The following SMURF1 variants were observed in gnomAD, a reference collection of about 807,000 sequenced individuals.
SMURF1 encodes the protein E3 ubiquitin-protein ligase SMURF1.
SMURF1 carries 44 observed loss-of-function variants against 98.0 expected under a neutral mutation model. The observed-to-expected ratio is 0.45, with a 90% CI of 0.35 to 0.58. The LOEUF is 0.58. SMURF1 is among the 20% of genes least tolerant of loss of function. The probability of loss-of-function intolerance (pLI) is 0.00; values close to 1 mark genes in which losing one functional copy is unlikely to be tolerated. For synonymous variants in SMURF1, 396 were observed against 374.9 expected (o/e 1.06, Z -0.65); for missense variants, 687 against 938.4 (o/e 0.73, Z 3.50).
intron 1 of SMURF1, among the ~76,000 whole-genome samples, chr7:99,124,481 G>A (rs1162492144): frequency 6.6e-6 from 1 of 152,210 alleles, no homozygotes; most frequent in African/African-American, 2.4e-5. Flanking sequence ...CACAGCTCTA[G>A]CAAAAGTGAT....
In SMURF1 at chr7:99,040,526, G is replaced by T. The variant is rs763433233; in HGVS notation, c.1402C>A (p.Arg468=). 2 of 1,508,964 alleles carry T rather than the reference G, an allele frequency of 1.3e-6. No homozygotes were observed. The highest frequency in any genetic ancestry group is 1.8e-6 in the Non-Finnish European group (2 of 1,128,392). The allele number at this position is 1,508,964 out of a possible 1,614,324, so 93.5% of individuals were successfully genotyped here. A position where few individuals can be genotyped will look rare whatever the true frequency, so the allele number is the denominator to read the frequency against. Residue 468 remains arginine, a synonymous_variant, in exon 13 of 18, where the codon CGG becomes AGG. Transcript: ENST00000361368. The part of the protein sequence containing the change: ...DHLSYFHFVG[R]IMGLAVFHGH... ...TGGAACACAGCCAGCCCCATGATCC[G>T]CCCCACAAAGTGGAAATAAGACAAG... is the stretch of plus-strand genomic sequence containing the variant.
intron 1 of SMURF1, among the ~76,000 whole-genome samples, chr7:99,136,101 A>G (rs1468490273): frequency 6.6e-6 from 1 of 152,214 alleles, no homozygotes; most frequent in African/African-American, 2.4e-5. Context: ...GAAGCTGATG[A>G]TCGCTTGAGC....
chr7:99,052,750 A>C (rs983478015), intron 6 of SMURF1, among the ~76,000 whole-genome samples: 15 of 152,228 alleles, frequency 9.9e-5, no homozygotes, highest in African/African-American at 3.1e-4. Context: ...TTGTGAAATG[A>C]GATCTCATTT....
chr7:99,087,158 T>G (rs1254239999), intron 1 of SMURF1, among the ~76,000 whole-genome samples: 1 of 152,002 alleles, frequency 6.6e-6, no homozygotes, highest in East Asian at 1.9e-4. Context: ...TCACTTGAGC[T>G]CAGGAGTTTG....
chr7:99,086,707 C>T (rs1191260467), intron 1 of SMURF1, among the ~76,000 whole-genome samples: 2 of 152,130 alleles, frequency 1.3e-5, no homozygotes, highest in African/African-American at 2.4e-5. Flanking sequence ...GCAGCAAATC[C>T]ACACAATGGA....
At chr7:99,059,481 G>A (rs1299273824) in intron 3 of SMURF1, among the ~76,000 whole-genome samples, 2 of 150,706 alleles carry the variant, frequency 1.3e-5, no homozygotes, top group East Asian at 1.9e-4. Flanking sequence ...GGTCTTCAAA[G>A]TACAATCCAG....
Position 99,047,867 on chromosome 7 carries a change from G to C in SMURF1, c.969C>G (p.Leu323=), listed in dbSNP as rs768586750. ...GTGGCAGCGGCTGGCTGGGCTCCTT[G>C]AGTTGGCACTGGTGACTTGAGAAGA... ...LHHIMNHQCQ[L]KEPSQPLPLP... Residue 323 remains leucine (L), a synonymous_variant, in exon 10 of 18, where the codon CTC becomes CTG. Coordinates refer to ENST00000361368, the MANE Select transcript of SMURF1 (RefSeq NM_181349.3). 19 of 1,613,790 alleles carry C rather than the reference G, an allele frequency of 1.2e-5. No individual in the cohort carries two copies. Among genetic ancestry groups the C allele is most frequent in the Admixed American group, 1.2e-4 (7 of 60,012 alleles).
intron 1 of SMURF1, among the ~76,000 whole-genome samples, chr7:99,121,442 A>G (rs1302632022): frequency 6.6e-6 from 1 of 152,142 alleles, no homozygotes; most frequent in Non-Finnish European, 1.5e-5. Context: ...CTCCTCCAAA[A>G]CAACACCTAG....
chr7:99,042,801 A>G (rs1795438628), intron 11 of SMURF1, among the ~76,000 whole-genome samples: 1 of 152,238 alleles, frequency 6.6e-6, no homozygotes, highest in Admixed American at 6.5e-5. Flanking sequence ...AACGGATCGC[A>G]TTAAGATAGC....
intron 12 of SMURF1, among the ~76,000 whole-genome samples, chr7:99,041,283 T>C (rs1342696243): frequency 1.3e-5 from 2 of 152,078 alleles, no homozygotes; most frequent in African/African-American, 4.8e-5. Context: ...GGGTCTGTGA[T>C]CCCAGCTACT....
rs1794828064 is a variant in SMURF1, at chr7:99,030,257, G to A, written c.*327C>T. ...CTGTGAGTTGATGCTCCCGTAAAGAGCTCAGGGCTGTGAGCCTTATCACCA... is the reference window on the plus strand; with the variant it reads ...CTGTGAGTTGATGCTCCCGTAAAGAACTCAGGGCTGTGAGCCTTATCACCA... On this transcript the variant is annotated 3_prime_UTR_variant, in exon 18 of 18. Transcript: ENST00000361368. 3.4e-6 allele frequency: 1 copy of A among 294,266 alleles called. No homozygotes were observed. The highest frequency in any genetic ancestry group is 6.5e-6 in the Non-Finnish European group (1 of 153,204). 18.2% of individuals were successfully genotyped at this position (294,266 alleles called of 1,614,324 possible).
At chr7:99,133,196 C>T (rs13230554) in intron 1 of SMURF1, among the ~76,000 whole-genome samples, 2,131 of 152,162 alleles carry the variant, frequency 0.014, 31 homozygotes, top group Non-Finnish European at 0.019. Flanking sequence ...GTTAGTTTCC[C>T]GGGTCTTTTT....
chr7:99,092,981 C>T (rs1317263858), intron 1 of SMURF1, among the ~76,000 whole-genome samples: 5 of 152,150 alleles, frequency 3.3e-5, no homozygotes, highest in African/African-American at 9.7e-5. Flanking sequence ...GTATAGTTCT[C>T]TTCCGCTGTC....
intron 1 of SMURF1, among the ~76,000 whole-genome samples, chr7:99,072,346 A>G (rs1302048968): frequency 6.6e-6 from 1 of 152,168 alleles, no homozygotes; most frequent in Non-Finnish European, 1.5e-5. Flanking sequence ...TTTGACACAT[A>G]GAAAGATCAA....
intron 5 of SMURF1, among the ~76,000 whole-genome samples, chr7:99,055,562 C>T (rs915778665): frequency 3.3e-5 from 5 of 152,038 alleles, no homozygotes; most frequent in Admixed American, 6.5e-5. Flanking sequence ...GCCTCAAACT[C>T]CTGGGCTTGA....
chr7:99,067,030 C>A (rs1299320419), intron 1 of SMURF1, among the ~76,000 whole-genome samples: 2 of 143,944 alleles, frequency 1.4e-5, no homozygotes, highest in Non-Finnish European at 3.0e-5. Flanking sequence ...GAGTCTCGCT[C>A]TGTCACCCAG....
intron 1 of SMURF1, among the ~76,000 whole-genome samples, chr7:99,116,958 T>C (rs182484863): frequency 1.3e-5 from 2 of 152,114 alleles, no homozygotes; most frequent in South Asian, 2.1e-4. Flanking sequence ...TACAAAGCAA[T>C]AGTAATCAAA....
In SMURF1 at chr7:99,031,821, A is replaced by G. The variant is rs988638572; in HGVS notation, c.2097-1138T>C. ...CCGCATCCTTGGGTTCCAAGACAGGAACCTTCCATCATCTCACGGGGCATC... is the reference window on the plus strand; with the variant it reads ...CCGCATCCTTGGGTTCCAAGACAGGGACCTTCCATCATCTCACGGGGCATC... On this transcript the variant is annotated intron_variant, in intron 17 of 17. Coordinates refer to ENST00000361368, the MANE Select transcript of SMURF1 (RefSeq NM_181349.3). 2.0e-5 allele frequency among the ~76,000 whole-genome samples: 3 copies of G among 152,204 alleles called. No individual in the cohort carries two copies. In the South Asian group the frequency reaches 6.2e-4, roughly 31 times the overall value.
At chr7:99,122,290 C>T (rs1356995897) in intron 1 of SMURF1, among the ~76,000 whole-genome samples, 6 of 147,858 alleles carry the variant, frequency 4.1e-5, no homozygotes, top group Non-Finnish European at 7.4e-5. Flanking sequence ...ATCGGGCCAC[C>T]GCACTCCAGC....
Sources: allele counts gnomAD v4.1 joint callset (sites outside exome capture counted in the v4.1 genomes callset), GRCh38; gene constraint gnomAD v4.1.1; transcripts MANE v1.5; gene names NCBI Gene and HGNC (gene_info 2026-07-23, HGNC 2026-07-21).